UGT1A6: variants seen among roughly 807,000 people sequenced by gnomAD.
UGT1A6 encodes UDP-glucuronosyltransferase 1A6.
In UGT1A6, 32 loss-of-function variants were observed where a neutral mutation model predicts 44.4. The observed-to-expected ratio is 0.72, with a 90% CI of 0.54 to 0.97. UGT1A6 has a LOEUF of 0.97. Ranked by LOEUF, UGT1A6 falls within the 50% of genes least tolerant of loss-of-function variation. UGT1A6 has a pLI of 0.00. For synonymous variants in UGT1A6, 238 were observed against 248.5 expected, an observed-to-expected ratio of 0.96 and a Z score of 0.40; for missense variants, 685 against 661.9, an observed-to-expected ratio of 1.03 and a Z score of -0.38.
intron 1 of UGT1A6, chr2:233,747,375 G>C: frequency 6.2e-7 from 1 of 1,604,748 alleles, no homozygotes; most frequent in African/African-American, 1.3e-5. Flanking sequence ...CCATGCCAGA[G>C]GCCACCAGGC....
intron 1 of UGT1A6, among the ~76,000 whole-genome samples, chr2:233,759,599 A>ACCCCCCCCCCCCC (rs1553620419): frequency 1.6e-4 from 17 of 108,720 alleles, no homozygotes; most frequent in African/African-American, 3.6e-4. Context: ...CCCACCCCCG[A>ACCCCCCCCCCCCC]CCCGCCCCAC....
intron 1 of UGT1A6, chr2:233,721,762 T>C (rs1308091400): frequency 4.2e-6 from 2 of 475,048 alleles, no homozygotes; most frequent in Non-Finnish European, 8.4e-6. Context: ...ATCTAAATTG[T>C]TATATTTAGC....
At chr2:233,701,218 C>T (rs1237228393) in intron 1 of UGT1A6, among the ~76,000 whole-genome samples, 1 of 152,080 alleles carries the variant, frequency 6.6e-6, no homozygotes, top group Non-Finnish European at 1.5e-5. Context: ...TATTTATAAT[C>T]CTTTGGGTAT....
At chr2:233,711,284 C>T (rs1473595982) in intron 1 of UGT1A6, among the ~76,000 whole-genome samples, 4 of 152,164 alleles carry the variant, frequency 2.6e-5, no homozygotes, top group Admixed American at 6.5e-5. Flanking sequence ...GAGTCCTAGA[C>T]GTGGGAGTAG....
chr2:233,706,131 A>G (rs1421239326), intron 1 of UGT1A6, among the ~76,000 whole-genome samples: 3 of 152,176 alleles, frequency 2.0e-5, no homozygotes, highest in Non-Finnish European at 4.4e-5. Context: ...CTGACAGCAA[A>G]GTATTAAACA....
intron 1 of UGT1A6, among the ~76,000 whole-genome samples, chr2:233,760,004 A>G (rs1697302035): frequency 6.6e-6 from 1 of 152,168 alleles, no homozygotes; most frequent in South Asian, 2.1e-4. Flanking sequence ...TGGAAATACT[A>G]ATTTAATGGA....
chr2:233,760,435 C>G (rs2125984030), intron 1 of UGT1A6: 1 of 1,614,234 alleles, frequency 6.2e-7, no homozygotes, highest in Non-Finnish European at 8.5e-7. Flanking sequence ...CATCCAGCAG[C>G]TGCAGCAGAG....
At chr2:233,761,154 G>A (rs1374366123) in intron 1 of UGT1A6, 1 of 1,614,240 alleles carries the variant, frequency 6.2e-7, no homozygotes, top group East Asian at 2.2e-5. Flanking sequence ...TATCCCAGGT[G>A]TGTATTGGAG....
Position 233,693,100 on chromosome 2 carries a change from C to T in UGT1A6, c.96C>T (p.Val32=). Residue 32 remains valine (V), a synonymous_variant, in exon 1 of 5, where the codon GTC becomes GTT. Transcript: ENST00000305139. ...TTGTAGGTGACAAGCTGCTGGTGGT[C>T]CCTCAGGACGGAAGCCACTGGCTTA... is the stretch of plus-strand genomic sequence containing the variant. ...GMVVGDKLLV[V]PQDGSHWLSM... The T allele has an allele frequency of 6.2e-7, 1 of 1,614,118 alleles. No individual in the cohort carries two copies. The highest frequency in any genetic ancestry group is 8.5e-7 in the Non-Finnish European group (1 of 1,180,022).
chr2:233,717,852 T>A (rs1267229703), intron 1 of UGT1A6: 1 of 455,074 alleles, frequency 2.2e-6, no homozygotes, highest in Non-Finnish European at 4.4e-6. Flanking sequence ...TTATCAGAAC[T>A]TGGTGCTGGA....
At chr2:233,720,781 C>G (rs2076890046) in intron 1 of UGT1A6, among the ~76,000 whole-genome samples, 1 of 151,290 alleles carries the variant, frequency 6.6e-6, no homozygotes, top group South Asian at 2.1e-4. Flanking sequence ...TCTCCGCTCA[C>G]TGCAACCTTC....
At chr2:233,717,787 T>C (rs749121467) in intron 1 of UGT1A6, 7 of 456,322 alleles carry the variant, frequency 1.5e-5, no homozygotes, top group Admixed American at 2.3e-5. Context: ...ATTTTGAAAT[T>C]TGAAGTAGTG....
chr2:233,729,355 C>G lies in UGT1A6; in HGVS notation c.861+35490C>G. ...CATCAAAGAAGAGAACTTTTTCACC[C>G]TGACAACCTATGCCATTTCGTGGAC... On this transcript the variant is annotated intron_variant, in intron 1 of 4. Transcript: ENST00000305139. 6.2e-7 allele frequency: 1 copy of G among 1,614,166 alleles called. No individual in the cohort carries two copies. Among genetic ancestry groups the G allele is most frequent in the Non-Finnish European group, 8.5e-7 (1 of 1,180,000 alleles).
At chr2:233,765,532 C>T (rs769087620) in intron 1 of UGT1A6, among the ~76,000 whole-genome samples, 15 of 152,064 alleles carry the variant, frequency 9.9e-5, no homozygotes, top group Non-Finnish European at 2.1e-4. Context: ...CGCATGTTCT[C>T]ACTCATAAGT....
chr2:233,760,880 C>T, intron 1 of UGT1A6: 2 of 1,614,166 alleles, frequency 1.2e-6, no homozygotes, highest in Non-Finnish European at 1.7e-6. Context: ...AGGCCTCTCT[C>T]CTCTCATTCA....
rs767607575 is a variant in UGT1A6, at chr2:233,760,238, A to G, written c.862-6796A>G. ...GTGTATCGATTGGTTTTTGCCATATATATATATATAAGTAGGAGAGGGCGA... is the reference window on the plus strand; with the variant it reads ...GTGTATCGATTGGTTTTTGCCATATGTATATATATAAGTAGGAGAGGGCGA... On this transcript the variant is annotated intron_variant, in intron 1 of 4. Transcript: ENST00000305139. The G allele has an allele frequency of 3.7e-6, 6 of 1,606,676 alleles. No homozygotes were observed. Among genetic ancestry groups the G allele is most frequent in the Admixed American group, 3.3e-5 (2 of 59,932 alleles).
chr2:233,744,692 A>G (rs1481135154), intron 1 of UGT1A6, among the ~76,000 whole-genome samples: 1 of 151,878 alleles, frequency 6.6e-6, no homozygotes, highest in African/African-American at 2.4e-5. Context: ...AGCTTCTGGA[A>G]AACTCCACTG....
intron 1 of UGT1A6, chr2:233,748,001 G>A: frequency 6.2e-7 from 1 of 1,613,512 alleles, no homozygotes; most frequent in Non-Finnish European, 8.5e-7. Context: ...ACTTTGTGAT[G>A]GATTACCCCA....
intron 1 of UGT1A6, among the ~76,000 whole-genome samples, chr2:233,720,765 G>A (rs924654147): frequency 1.3e-5 from 2 of 151,260 alleles, no homozygotes; most frequent in African/African-American, 4.9e-5. Context: ...GAGGGCAGTG[G>A]CCGGATCTCC....
Sources: allele counts gnomAD v4.1 joint callset (sites outside exome capture counted in the v4.1 genomes callset), GRCh38; gene constraint gnomAD v4.1.1; transcripts MANE v1.5; gene names NCBI Gene and HGNC (gene_info 2026-07-23, HGNC 2026-07-21).